The following CRTAC1 variants were observed in gnomAD, a reference collection of about 807,000 sequenced individuals.
CRTAC1 encodes the protein acidic secreted protein in cartilage.
In CRTAC1, 37 loss-of-function variants were observed where a neutral mutation model predicts 67.8. The observed-to-expected ratio is 0.55, with a 90% CI of 0.42 to 0.72. The LOEUF is 0.72. Among genes scored for constraint, CRTAC1 ranks in the 30% least tolerant of loss-of-function variants. The pLI is 0.00. For missense variants in CRTAC1, 780 were observed against 931.6 expected, an observed-to-expected ratio of 0.84 and a Z score of 2.12; for synonymous variants, 348 against 371.0, an observed-to-expected ratio of 0.94 and a Z score of 0.71.
intron 11 of CRTAC1, among the ~76,000 whole-genome samples, chr10:97,886,311 G>A (rs2050283175): frequency 6.6e-6 from 1 of 152,210 alleles, no homozygotes; most frequent in South Asian, 2.1e-4. Context: ...CCTTGCTGCT[G>A]CCATGCTGTG....
intron 2 of CRTAC1, among the ~76,000 whole-genome samples, chr10:98,008,816 C>G (rs140631659): frequency 5.3e-5 from 8 of 152,270 alleles, no homozygotes; most frequent in Middle Eastern, 6.8e-3. Context: ...GAGAGAAGGA[C>G]GGTTGCCTTG....
In CRTAC1 at chr10:98,011,390, C is replaced by T; in HGVS notation, c.25-53G>A. ...GAAAGAACCTGTAACCAAAGCAATC[C>T]CGGAACATTAAAGTCCTGGGTAGGC... On this transcript the variant is annotated intron_variant, in intron 1 of 14. Coordinates refer to ENST00000370597, the MANE Select transcript of CRTAC1 (RefSeq NM_018058.7). The T allele has an allele frequency of 7.5e-6, 12 of 1,606,428 alleles. 1 individual carries two copies. The South Asian group carries it at 1.3e-4, about 18-fold the overall frequency.
At position 97,901,305 on chromosome 10, in the gene CRTAC1, G is replaced by A. The variant is rs1016288800; in HGVS notation, c.1133+198C>T. 5.3e-5 allele frequency among the ~76,000 whole-genome samples: 8 copies of A among 152,198 alleles called. No homozygotes were observed. In the East Asian group the frequency reaches 5.8e-4, roughly 11 times the overall value. On this transcript the variant is annotated intron_variant, in intron 8 of 14. Transcript: ENST00000370597. Reference sequence around the variant, plus strand: ...GAGGCCGGCTCCTTGGCCAGGCTTTGCCCTGCATTCCCACAGCCTCTTGCC... The same window carrying A: ...GAGGCCGGCTCCTTGGCCAGGCTTTACCCTGCATTCCCACAGCCTCTTGCC...
At chr10:97,926,143 G>T (rs1335384181) in intron 3 of CRTAC1, among the ~76,000 whole-genome samples, 1 of 152,172 alleles carries the variant, frequency 6.6e-6, no homozygotes, top group African/African-American at 2.4e-5. Context: ...GTTGTAGGTG[G>T]AGGCTTCAGC....
chr10:98,008,060 T>C (rs1230612862), intron 2 of CRTAC1, among the ~76,000 whole-genome samples: 2 of 152,120 alleles, frequency 1.3e-5, no homozygotes, highest in African/African-American at 2.4e-5. Context: ...ACTGGGCCCA[T>C]GGTGGCACAT....
intron 2 of CRTAC1, among the ~76,000 whole-genome samples, chr10:97,964,874 T>C (rs1302490320): frequency 6.6e-6 from 1 of 152,202 alleles, no homozygotes; most frequent in Non-Finnish European, 1.5e-5. Context: ...GTGGTAAGAC[T>C]AATCTGGTGT....
chr10:97,895,972 G>A lies in CRTAC1; in HGVS notation c.1230C>T (p.Thr410=), dbSNP rs776153863. The A allele has an allele frequency of 2.0e-5, 32 of 1,613,834 alleles. No homozygotes were observed. The Admixed American group carries it at 3.0e-4, about 15-fold the overall frequency. Residue 410 remains threonine, a synonymous_variant, in exon 10 of 15, where the codon ACC becomes ACT. Transcript: ENST00000370597. The surrounding 1 kb of genome is among the most constrained non-coding windows in gnomAD (Gnocchi z 4.2). The stretch of plus-strand genomic sequence containing the variant: ...CCAGCATCCCGTCTCCGTCGAAGTC[G>A]GTCACCACACCCCCTACAAACAATG... The part of the protein sequence containing the change: ...PEGRGTGGVV[T]DFDGDGMLDL...
intron 1 of CRTAC1, among the ~76,000 whole-genome samples, chr10:98,020,786 G>C (rs1045858962): frequency 6.6e-6 from 1 of 152,210 alleles, no homozygotes; most frequent in African/African-American, 2.4e-5. Flanking sequence ...ACACCTGGTG[G>C]GAAGGAGTGC....
At chr10:97,884,135 C>G in intron 12 of CRTAC1, 71 bp downstream of exon 12, 4 of 1,503,246 alleles carry the variant, frequency 2.7e-6, no homozygotes, top group Non-Finnish European at 2.7e-6. Flanking sequence ...TCCTGGGAAC[C>G]CAGCTTCAGC....
At chr10:97,911,626 C>T (rs1335575585) in intron 5 of CRTAC1, among the ~76,000 whole-genome samples, 2 of 152,208 alleles carry the variant, frequency 1.3e-5, no homozygotes. Flanking sequence ...GCACCCCTCA[C>T]TGATGCCATA....
At chr10:97,901,738 C>G (rs1220119248) in intron 7 of CRTAC1, 99 bp from the exon 8 acceptor site, 2 of 1,447,736 alleles carry the variant, frequency 1.4e-6, no homozygotes, top group South Asian at 1.3e-5. Context: ...AAATAAGAGA[C>G]AGTCCAACCC....
chr10:97,896,101 G>A, intron 9 of CRTAC1, 116 bp from the exon 10 acceptor site: 1 of 850,684 alleles, frequency 1.2e-6, no homozygotes, highest in Non-Finnish European at 1.9e-6. Flanking sequence ...AGAAAGCACA[G>A]CACCGGGGCA....
In CRTAC1 at chr10:97,901,583, G is replaced by A. The variant is rs750124152; in HGVS notation, c.1053C>T (p.Ala351=). Residue 351 remains alanine, a synonymous_variant, in exon 8 of 15, where the codon GCC becomes GCT. Transcript: ENST00000370597. Reference sequence around the variant, plus strand: ...CCAGCTCCTGGTCATTGTCAAAGTCGGCGGTGATGACCGTGCGGACAGGGG... The same window carrying A: ...CCAGCTCCTGGTCATTGTCAAAGTCAGCGGTGATGACCGTGCGGACAGGGG... ...MPSPVRTVIT[A]DFDNDQELEI... The A allele has an allele frequency of 2.6e-5, 42 of 1,614,102 alleles. No homozygotes were observed. The highest frequency in any genetic ancestry group is 1.0e-4 in the Admixed American group (6 of 60,014).
Position 97,910,611 on chromosome 10 carries a change from G to A in CRTAC1, c.716-2464C>T, listed in dbSNP as rs192622501. Among the ~76,000 whole-genome samples, 1,027 of 152,302 alleles carry A rather than the reference G, an allele frequency of 6.7e-3. 7 individuals carry two copies. Among genetic ancestry groups the A allele is most frequent in the South Asian group, 0.047 (229 of 4,832 alleles). ...ACCTGTGTAAAGAAAGGCCAGGCCC[G>A]CCTCTGGATGGGGCAGAGGTTTCCC... On this transcript the variant is annotated intron_variant, in intron 5 of 14. Coordinates refer to ENST00000370597, the MANE Select transcript of CRTAC1 (RefSeq NM_018058.7).
intron 4 of CRTAC1, among the ~76,000 whole-genome samples, chr10:97,918,166 T>C (rs1163141916): frequency 6.6e-6 from 1 of 152,232 alleles, no homozygotes. Context: ...TCCTCTGTTT[T>C]GGTAGCACGA....
intron 2 of CRTAC1, among the ~76,000 whole-genome samples, chr10:97,984,944 A>T (rs2051956091): frequency 6.6e-6 from 1 of 152,214 alleles, no homozygotes. Context: ...AAATAACTAA[A>T]TTTCAAACAA....
chr10:97,995,041 A>G (rs780525283), intron 2 of CRTAC1, among the ~76,000 whole-genome samples: 1 of 152,200 alleles, frequency 6.6e-6, no homozygotes, highest in African/African-American at 2.4e-5. Context: ...CCATGACCTC[A>G]TATGGCTATA....
In CRTAC1 at chr10:97,908,056, G is replaced by A; in HGVS notation, c.807C>T (p.His269=). 1 of 1,614,200 alleles carries A rather than the reference G, an allele frequency of 6.2e-7. No homozygotes were observed. The highest frequency in any genetic ancestry group is 1.1e-5 in the South Asian group (1 of 91,086). The change falls in exon 6 of 15, where the codon CAC becomes CAT. Residue 269 remains histidine (H), a synonymous_variant. Coordinates refer to ENST00000370597, the MANE Select transcript of CRTAC1 (RefSeq NM_018058.7). ...DNENGPNFLF[H]NRGDGTFVDA... Reference sequence around the variant, plus strand: ...CCACAAAGGTGCCATCGCCCCGGTTGTGGAAAAGGAAGTTAGGCCCATTCT... The same window carrying A: ...CCACAAAGGTGCCATCGCCCCGGTTATGGAAAAGGAAGTTAGGCCCATTCT...
At chr10:97,877,359 G>A (rs1417723568) in intron 14 of CRTAC1, among the ~76,000 whole-genome samples, 1 of 152,176 alleles carries the variant, frequency 6.6e-6, no homozygotes, top group South Asian at 2.1e-4. Context: ...TACCTAGAGC[G>A]TAGCTCAGTA....
Sources: gnomAD v4.1 joint callset for allele counts (sites outside exome capture counted in the v4.1 genomes callset) on GRCh38, gnomAD v4.1.1 for gene constraint, Gnocchi (gnomAD v3.1) non-coding constraint, MANE v1.5 for transcripts, NCBI Gene and HGNC (gene_info 2026-07-23, HGNC 2026-07-21) for gene names.